Variants in RNF115 observed in about 807,000 individuals in gnomAD.
The protein encoded by RNF115 is E3 ubiquitin-protein ligase RNF115.
RNF115 carries 31 observed loss-of-function variants against 39.2 expected under a neutral mutation model. That is an observed-to-expected ratio of 0.79 (90% CI 0.59 to 1.07). The LOEUF is 1.07. RNF115 is among the 50% of genes least tolerant of loss of function. The pLI is 0.00. For missense variants in RNF115, 384 were observed against 381.7 expected (o/e 1.01, Z -0.05); for synonymous variants, 124 against 131.0 (o/e 0.95, Z 0.37).
At chr1:145,820,297 T>C (rs1415748881) in intron 1 of RNF115, among the ~76,000 whole-genome samples, 1 of 151,342 alleles carries the variant, frequency 6.6e-6, no homozygotes, top group African/African-American at 2.4e-5. Context: ...AAATCCCATC[T>C]CTACAAAAAA....
At chr1:145,757,394 C>T (rs1658342762) in intron 4 of RNF115, among the ~76,000 whole-genome samples, 1 of 152,154 alleles carries the variant, frequency 6.6e-6, no homozygotes, top group African/African-American at 2.4e-5. Flanking sequence ...GTGGATGTGG[C>T]TTTTGCCTAA....
intron 1 of RNF115, among the ~76,000 whole-genome samples, chr1:145,799,458 T>C (rs189070376): frequency 1.3e-5 from 2 of 152,314 alleles, no homozygotes; most frequent in Non-Finnish European, 2.9e-5. Flanking sequence ...TTTTCTTGCC[T>C]AAATTGGCTC....
chr1:145,776,678 T>C (rs1553716625), intron 3 of RNF115, among the ~76,000 whole-genome samples: 1 of 151,724 alleles, frequency 6.6e-6, no homozygotes, highest in Non-Finnish European at 1.5e-5. Flanking sequence ...CTACTAAAAA[T>C]ACAAAAAGTT....
In RNF115 at chr1:145,813,292, T is replaced by A. The variant is rs1553722970; in HGVS notation, c.102+10480A>T. On this transcript the variant is annotated intron_variant, in intron 1 of 8. Coordinates refer to ENST00000582693, the MANE Select transcript of RNF115 (RefSeq NM_014455.4). ...AAAGATTAATAACTCCAATATACCC[T>A]CTCAACCAAGAATTTGAAGAAACTA... is the stretch of plus-strand genomic sequence containing the variant. Among the ~76,000 whole-genome samples the A allele has an allele frequency of 2.0e-5, 3 of 151,296 alleles. No homozygotes were observed. The East Asian group carries it at 5.9e-4, about 30-fold the overall frequency.
intron 2 of RNF115, among the ~76,000 whole-genome samples, chr1:145,788,316 A>T (rs1553718412): frequency 6.6e-6 from 1 of 152,186 alleles, no homozygotes; most frequent in Non-Finnish European, 1.5e-5. Context: ...TCCTGACCTC[A>T]GGTGATCCAC....
chr1:145,771,063 T>C (rs1647614930), intron 4 of RNF115, among the ~76,000 whole-genome samples: 1 of 152,212 alleles, frequency 6.6e-6, no homozygotes, highest in Admixed American at 6.5e-5. Context: ...TTGATACCCT[T>C]TTGAAATTTT....
At chr1:145,759,073 T>C (rs1328438591) in intron 4 of RNF115, among the ~76,000 whole-genome samples, 4 of 152,196 alleles carry the variant, frequency 2.6e-5, no homozygotes, top group African/African-American at 7.2e-5. Flanking sequence ...TCCAGAGCTG[T>C]AGCCTCTCTA....
intron 4 of RNF115, among the ~76,000 whole-genome samples, chr1:145,762,242 G>C (rs916147168): frequency 1.3e-5 from 2 of 152,176 alleles, no homozygotes; most frequent in Non-Finnish European, 1.5e-5. Flanking sequence ...GGACTGCTGG[G>C]AATGCATGAC....
chr1:145,747,498 C>T (rs1553711907), intron 8 of RNF115, among the ~76,000 whole-genome samples: 1 of 152,068 alleles, frequency 6.6e-6, no homozygotes, highest in East Asian at 1.9e-4. Flanking sequence ...CAAAAATTGG[C>T]TGGGCATGGT....
At chr1:145,747,044 G>T in intron 8 of RNF115, 47 bp from the exon 9 acceptor site, 1 of 1,573,824 alleles carries the variant, frequency 6.4e-7, no homozygotes, top group Non-Finnish European at 8.7e-7. Flanking sequence ...GGCCTGAGAA[G>T]CTGGGAGTAT....
At chr1:145,819,946 G>A (rs1414037243) in intron 1 of RNF115, among the ~76,000 whole-genome samples, 1 of 151,494 alleles carries the variant, frequency 6.6e-6, no homozygotes, top group East Asian at 1.9e-4. Flanking sequence ...GCTGAGGCAC[G>A]AGAATCGCTT....
chr1:145,767,319 T>C (rs1243664323), intron 4 of RNF115, among the ~76,000 whole-genome samples: 1 of 123,098 alleles, frequency 8.1e-6, no homozygotes, highest in Middle Eastern at 5.7e-3. Flanking sequence ...AGGCAGAGGG[T>C]CTCCTCACTT....
At chr1:145,784,441 A>T in intron 3 of RNF115, 98 bp downstream of exon 3, 1 of 1,087,242 alleles carries the variant, frequency 9.2e-7, no homozygotes, top group Non-Finnish European at 1.4e-6. Flanking sequence ...ACATTCAGTT[A>T]AACTCTGATG....
intron 3 of RNF115, chr1:145,772,912 T>C (rs587666116): frequency 6.6e-6 from 1 of 152,372 alleles, no homozygotes; most frequent in Admixed American, 6.5e-5. Context: ...AAATGTGTGC[T>C]CTTCAAACTA....
chr1:145,786,670 C>T (rs940132392), intron 2 of RNF115, among the ~76,000 whole-genome samples: 6 of 152,218 alleles, frequency 3.9e-5, no homozygotes. Flanking sequence ...AGGGTTACTA[C>T]TTGAAAAGTT....
At chr1:145,777,776 AAT>A in intron 3 of RNF115, among the ~76,000 whole-genome samples, 2 of 152,304 alleles carry the variant, frequency 1.3e-5, no homozygotes, top group East Asian at 3.9e-4. Context: ...CATTACTCTG[AAT>A]GTAAGTATAA....
At chr1:145,779,956 G>A (rs1011323912) in intron 3 of RNF115, among the ~76,000 whole-genome samples, 18 of 151,484 alleles carry the variant, frequency 1.2e-4, no homozygotes, top group Middle Eastern at 3.2e-3. Flanking sequence ...GCCCAGGCAC[G>A]GTGACTCAAG....
chr1:145,820,765 T>A (rs1252473723), intron 1 of RNF115, among the ~76,000 whole-genome samples: 1 of 151,760 alleles, frequency 6.6e-6, no homozygotes, highest in East Asian at 1.9e-4. Context: ...TACTGTATAT[T>A]TGAAAATTGC....
intron 1 of RNF115, among the ~76,000 whole-genome samples, chr1:145,795,064 C>T (rs1296712776): frequency 6.7e-6 from 1 of 149,934 alleles, no homozygotes; most frequent in Non-Finnish European, 1.5e-5. Context: ...TTTGTTCCTT[C>T]AGATGTTCAG....
Sources: gnomAD v4.1 joint callset for allele counts (sites outside exome capture counted in the v4.1 genomes callset) on GRCh38, gnomAD v4.1.1 for gene constraint, MANE v1.5 for transcripts, NCBI Gene and HGNC (gene_info 2026-07-23, HGNC 2026-07-21) for gene names.